The following INSC variants were observed in gnomAD, a reference collection of about 807,000 sequenced individuals.
The protein encoded by INSC is protein inscuteable homolog.
A neutral mutation model predicts 58.6 loss-of-function variants in INSC; 67 were observed. The observed-to-expected ratio is 1.14, with a 90% CI of 0.94 to 1.40. INSC has a LOEUF of 1.40. Ranked by LOEUF, INSC falls within the 40% of genes most tolerant of loss-of-function variation. The probability of loss-of-function intolerance (pLI) is 0.00; values close to 1 mark genes in which losing one functional copy is unlikely to be tolerated. For missense variants in INSC, 714 were observed against 692.0 expected (o/e 1.03, Z -0.36); for synonymous variants, 262 against 276.1 (o/e 0.95, Z 0.51).
At chr11:15,189,342 T>C (rs1850080815) in intron 5 of INSC, among the ~76,000 whole-genome samples, 1 of 152,086 alleles carries the variant, frequency 6.6e-6, no homozygotes, top group Admixed American at 6.5e-5. Context: ...CCTTAAAAGA[T>C]AGAAATTGTT....
chr11:15,217,393 C>T (rs1396346722), intron 7 of INSC, among the ~76,000 whole-genome samples: 1 of 152,184 alleles, frequency 6.6e-6, no homozygotes, highest in Non-Finnish European at 1.5e-5. Context: ...GGGGACACAG[C>T]CAAACCATAT....
intron 6 of INSC, among the ~76,000 whole-genome samples, chr11:15,191,654 T>C (rs1033852927): frequency 1.1e-4 from 17 of 152,220 alleles, no homozygotes; most frequent in African/African-American, 3.9e-4. Flanking sequence ...CACTTAATGC[T>C]GCTGCCATAA....
At chr11:15,114,911 G>A (rs905726605), upstream of INSC, 35 of 985,162 alleles carry the variant, frequency 3.6e-5, no homozygotes, top group East Asian at 1.8e-3. Flanking sequence ...GGGCTGGGCC[G>A]GCAGAGCGGC....
intron 7 of INSC, among the ~76,000 whole-genome samples, chr11:15,206,593 C>T (rs1850808554): frequency 6.6e-6 from 1 of 152,132 alleles, no homozygotes; most frequent in African/African-American, 2.4e-5. Context: ...AGCAGATGAA[C>T]CCAGCCTGGT....
chr11:15,151,228 C>T (rs963693695), intron 2 of INSC, among the ~76,000 whole-genome samples: 2 of 152,124 alleles, frequency 1.3e-5, no homozygotes, highest in East Asian at 1.9e-4. Flanking sequence ...CATAGGAGCG[C>T]GAACCCTACT....
At chr11:15,250,611 G>A (rs1229376094), downstream of INSC, among the ~76,000 whole-genome samples, 4 of 152,134 alleles carry the variant, frequency 2.6e-5, no homozygotes, top group Non-Finnish European at 5.9e-5. Context: ...CACCCTATAT[G>A]AAGCCATAAT....
chr11:15,149,163 A>T lies in INSC; in HGVS notation c.-12A>T, dbSNP rs1341696713. ...CCGCTGCAAGCAGGCTTTGCTGCAG[A>T]TTGGGATCAACATGATGGCACTGCC... On this transcript the variant is annotated 5_prime_UTR_variant, in exon 2 of 13. Transcript: ENST00000379556. 1 of 1,611,348 alleles carries T rather than the reference A, an allele frequency of 6.2e-7. No individual in the cohort carries two copies. Among genetic ancestry groups the T allele is most frequent in the Non-Finnish European group, 8.5e-7 (1 of 1,178,884 alleles).
At position 15,149,140 on chromosome 11, in the gene INSC, G is replaced by T; in HGVS notation, c.-35G>T. ...GCCCTCTATTTTCAGGGTCACGACC[G>T]CTGCAAGCAGGCTTTGCTGCAGATT... On this transcript the variant is annotated 5_prime_UTR_variant, in exon 2 of 13. Transcript: ENST00000379556. 6.2e-7 allele frequency: 1 copy of T among 1,607,528 alleles called. No homozygotes were observed. The highest frequency in any genetic ancestry group is 8.5e-7 in the Non-Finnish European group (1 of 1,176,966).
rs559263996 is a variant in INSC at position 15,114,961 on chromosome 11, C to T, written c.-88C>T. 44 of 985,458 alleles carry T rather than the reference C, an allele frequency of 4.5e-5. No homozygotes were observed. The highest frequency in any genetic ancestry group is 2.4e-4 in the African/African-American group (14 of 57,364). 61.0% of individuals were successfully genotyped at this position (985,458 alleles called of 1,614,324 possible). A position where few individuals can be genotyped will look rare whatever the true frequency, so the allele number is the denominator to read the frequency against. Reference sequence around the variant, plus strand: ...CCTCTGGAGCTCCAGCTGCGCCCCGCCACCACTGGCCGCTCGCACTACCAG... The same window carrying T: ...CCTCTGGAGCTCCAGCTGCGCCCCGTCACCACTGGCCGCTCGCACTACCAG... On this transcript the variant is annotated 5_prime_UTR_variant, in exon 1 of 13. Transcript: ENST00000379556.
chr11:15,193,940 A>G (rs1027275667), intron 6 of INSC, among the ~76,000 whole-genome samples: 2 of 152,102 alleles, frequency 1.3e-5, no homozygotes, highest in African/African-American at 4.8e-5. Flanking sequence ...GATGCCAACC[A>G]CATTAACATA....
chr11:15,244,803 CA>C (rs1484781089), intron 12 of INSC, among the ~76,000 whole-genome samples: 1 of 151,928 alleles, frequency 6.6e-6, no homozygotes, highest in African/African-American at 2.4e-5. Flanking sequence ...TTTTTGCTTC[CA>C]GGGGTGGGAG....
At chr11:15,200,685 A>C in intron 6 of INSC, 139 bp from the exon 7 acceptor site, 1 of 991,760 alleles carries the variant, frequency 1.0e-6, no homozygotes, top group South Asian at 1.6e-5. Context: ...AGTGTGTGTA[A>C]GTGTGTGTGG....
chr11:15,211,213 G>A (rs1851013648), intron 7 of INSC, among the ~76,000 whole-genome samples: 1 of 152,180 alleles, frequency 6.6e-6, no homozygotes, highest in Non-Finnish European at 1.5e-5. Flanking sequence ...GTAATAGCTG[G>A]ACATACAGTG....
At chr11:15,228,959 G>C (rs1589996449) in intron 9 of INSC, among the ~76,000 whole-genome samples, 1 of 152,310 alleles carries the variant, frequency 6.6e-6, no homozygotes, top group Non-Finnish European at 1.5e-5. Context: ...TGAGAAGCCT[G>C]ACAAGCAATC....
At chr11:15,117,761 T>G (rs1170380067) in intron 1 of INSC, among the ~76,000 whole-genome samples, 1 of 152,184 alleles carries the variant, frequency 6.6e-6, no homozygotes, top group Non-Finnish European at 1.5e-5. Context: ...TCATCTGGTT[T>G]TCAACTCATA....
chr11:15,137,881 C>A (rs905835853), intron 1 of INSC, among the ~76,000 whole-genome samples: 9 of 152,184 alleles, frequency 5.9e-5, no homozygotes, highest in African/African-American at 2.2e-4. Flanking sequence ...CCGTTTGGCA[C>A]AAGAGGCCTA....
chr11:15,240,385 C>G, intron 11 of INSC, 62 bp from the exon 12 acceptor site: 1 of 1,445,456 alleles, frequency 6.9e-7, no homozygotes, highest in Non-Finnish European at 9.7e-7. Flanking sequence ...GGCCCAGAAC[C>G]TCTGGGTCAG....
At chr11:15,118,508 G>A (rs530768098) in intron 1 of INSC, among the ~76,000 whole-genome samples, 1 of 152,292 alleles carries the variant, frequency 6.6e-6, no homozygotes, top group Admixed American at 6.5e-5. Context: ...ACCCAAGCTG[G>A]TGGCCATTGC....
chr11:15,127,869 C>A (rs1848034812), intron 1 of INSC, among the ~76,000 whole-genome samples: 1 of 152,106 alleles, frequency 6.6e-6, no homozygotes, highest in South Asian at 2.1e-4. Flanking sequence ...GAGGTGTGCG[C>A]CTGTAATCCC....
Sources: gnomAD v4.1 joint callset for allele counts (sites outside exome capture counted in the v4.1 genomes callset) on GRCh38, gnomAD v4.1.1 for gene constraint, MANE v1.5 for transcripts, NCBI Gene and HGNC (gene_info 2026-07-23, HGNC 2026-07-21) for gene names.